TAF15: variants seen among roughly 807,000 people sequenced by gnomAD.
TAF15 encodes the protein TATA-box binding protein associated factor 15.
In TAF15, 37 loss-of-function variants were observed where a neutral mutation model predicts 102.5. The ratio of observed to expected loss-of-function variants is 0.36; its 90% CI spans 0.28 to 0.47. The LOEUF (loss-of-function observed/expected upper bound fraction) is 0.47. Among genes scored for constraint, TAF15 ranks in the 20% least tolerant of loss-of-function variants. TAF15 has a pLI of 0.99. For missense variants in TAF15, 652 were observed against 760.7 expected (o/e 0.86, Z 1.68); for synonymous variants, 273 against 259.2 (o/e 1.05, Z -0.51).
In TAF15 at chr17:35,845,937, C is replaced by T. The variant is rs2087618770; in HGVS notation, c.1739+899C>T. ...AATCTAAGTGAAGGAACATACCTTT[C>T]ATAGGGTGGTTCTTTTTCAGATCAT... On this transcript the variant is annotated intron_variant, in intron 15 of 15. Transcript: ENST00000605844. Among the ~76,000 whole-genome samples the T allele has an allele frequency of 2.0e-5, 3 of 152,272 alleles. No homozygotes were observed. The South Asian group carries it at 6.2e-4, about 32-fold the overall frequency.
intron 13 of TAF15, 59 bp downstream of exon 13, chr17:35,844,217 C>T: frequency 6.2e-7 from 1 of 1,611,148 alleles, no homozygotes; most frequent in Non-Finnish European, 8.5e-7. Flanking sequence ...GTGGAGGATA[C>T]AGAAAGGGGT....
chr17:35,837,484 A>C (rs1173112741), intron 10 of TAF15, among the ~76,000 whole-genome samples: 3 of 151,958 alleles, frequency 2.0e-5, no homozygotes, highest in Non-Finnish European at 2.9e-5. Context: ...GAAAAAGTAA[A>C]ATTCTCCCTT....
intron 7 of TAF15, among the ~76,000 whole-genome samples, chr17:35,832,704 T>C (rs1303453697): frequency 6.6e-6 from 1 of 152,120 alleles, no homozygotes; most frequent in African/African-American, 2.4e-5. Flanking sequence ...TTTATTGCCA[T>C]GTTAGCATAT....
chr17:35,844,492 G>C lies in TAF15; in HGVS notation c.1193G>C (p.Gly398Ala). The C allele has an allele frequency of 6.2e-7, 1 of 1,613,558 alleles. No homozygotes were observed. Among genetic ancestry groups the C allele is most frequent in the Non-Finnish European group, 8.5e-7 (1 of 1,179,678 alleles). The change falls in exon 15 of 16, where the codon GGC becomes GCC. Residue 398 changes from glycine to alanine, a missense_variant. Physicochemically the swap from Gly to Ala is moderately conservative, Grantham distance 60. This residue lies in a region of TAF15 where 368 missense variants were observed against 367.5 expected (regional missense o/e 1.00). Coordinates refer to ENST00000605844, the MANE Select transcript of TAF15 (RefSeq NM_139215.3). ...TACCTTGCAGATTTCCGGGGGAGAG[G>C]CTACGGTGGAGAGAGGGGCTACAGA... is the stretch of plus-strand genomic sequence containing the variant. ...RPSGGDFRGR[G>A]YGGERGYRGR...
At chr17:35,826,071 C>T (rs936522241) in intron 7 of TAF15, among the ~76,000 whole-genome samples, 4 of 152,162 alleles carry the variant, frequency 2.6e-5, no homozygotes. Flanking sequence ...CCTTAATCAA[C>T]CCTGGGGTCC....
chr17:35,816,577 G>A (rs2087197369), intron 1 of TAF15: 1 of 152,162 alleles, frequency 6.6e-6, no homozygotes, highest in African/African-American at 2.4e-5. Context: ...GTGAGGTTGG[G>A]CCTGATGGTC....
At chr17:35,835,372 C>T (rs1055843929) in intron 9 of TAF15, among the ~76,000 whole-genome samples, 1 of 152,154 alleles carries the variant, frequency 6.6e-6, no homozygotes, top group Non-Finnish European at 1.5e-5. Context: ...GGGTAGAGGT[C>T]ACTAATTTTC....
At chr17:35,836,372 T>C (rs578251507) in intron 10 of TAF15, 131 bp downstream of exon 10, 2 of 676,008 alleles carry the variant, frequency 3.0e-6, no homozygotes, top group East Asian at 5.4e-5. Context: ...TGCTCGTTTA[T>C]GTCTGTAGAC....
chr17:35,845,498 C>A (rs1164013030), intron 15 of TAF15, among the ~76,000 whole-genome samples: 2 of 152,162 alleles, frequency 1.3e-5, no homozygotes, highest in African/African-American at 4.8e-5. Flanking sequence ...TCAAGCATTC[C>A]TCCTGTCTTG....
In TAF15 at chr17:35,842,524, G is replaced by T. The variant is rs935484865; in HGVS notation, c.1006+65G>T. On this transcript the variant is annotated intron_variant, in intron 12 of 15. Coordinates refer to ENST00000605844, the MANE Select transcript of TAF15 (RefSeq NM_139215.3). The stretch of plus-strand genomic sequence containing the variant: ...GGGTTTAAGTTTGAGTTCATACTCT[G>T]TTTCTATTTGTGTGAACTTGCTACT... The T allele has an allele frequency of 3.9e-6, 5 of 1,287,456 alleles. No individual in the cohort carries two copies. In the African/African-American group the frequency reaches 7.3e-5, roughly 19 times the overall value. The allele number at this position is 1,287,456 out of a possible 1,614,324, so 79.8% of individuals were successfully genotyped here.
At position 35,826,077 on chromosome 17, in the gene TAF15, G is replaced by T. The variant is rs560679265; in HGVS notation, c.605+1879G>T. 2.0e-5 allele frequency among the ~76,000 whole-genome samples: 3 copies of T among 152,176 alleles called. No homozygotes were observed. The South Asian group carries it at 6.2e-4, about 32-fold the overall frequency. On this transcript the variant is annotated intron_variant, in intron 7 of 15. Transcript: ENST00000605844. ...GAAGCAGTACCTTAATCAACCCTGG[G>T]GTCCAATTAAGTACTTTTATAAACC...
intron 7 of TAF15, among the ~76,000 whole-genome samples, chr17:35,829,631 CAAAAAAA>C (rs746776421): frequency 7.2e-3 from 238 of 33,086 alleles, no homozygotes; most frequent in South Asian, 0.015. Context: ...GACTCCATCT[CAAAAAAA>C]AAAAAAAAAA....
intron 1 of TAF15, among the ~76,000 whole-genome samples, chr17:35,811,788 A>G (rs898800274): frequency 6.6e-6 from 1 of 152,284 alleles, no homozygotes; most frequent in African/African-American, 2.4e-5. Flanking sequence ...TAACACCTTA[A>G]CGAATTCAAA....
intron 6 of TAF15, chr17:35,823,851 A>G: frequency 1.6e-6 from 1 of 609,286 alleles, no homozygotes; most frequent in South Asian, 1.9e-5. Context: ...TTTGACACAG[A>G]TACATTACTG....
At chr17:35,834,019 G>T in intron 8 of TAF15, 78 bp downstream of exon 8, 1 of 1,502,032 alleles carries the variant, frequency 6.7e-7, no homozygotes, top group Non-Finnish European at 9.2e-7. Flanking sequence ...CGCAGATGTA[G>T]TCAAAAGTCC....
At chr17:35,833,983 T>C in intron 8 of TAF15, 42 bp downstream of exon 8, 9 of 1,609,308 alleles carry the variant, frequency 5.6e-6, no homozygotes, top group Non-Finnish European at 6.8e-6. Flanking sequence ...GGAAATGCTA[T>C]ATAAATCTAA....
intron 7 of TAF15, among the ~76,000 whole-genome samples, chr17:35,832,823 G>C (rs752577326): frequency 1.3e-5 from 2 of 152,126 alleles, no homozygotes; most frequent in Non-Finnish European, 2.9e-5. Flanking sequence ...GTAAAGCCAT[G>C]TTCACAAGGA....
chr17:35,809,741 A>G, intron 1 of TAF15, 165 bp downstream of exon 1: 2 of 918,060 alleles, frequency 2.2e-6, no homozygotes, highest in Non-Finnish European at 3.4e-6. Flanking sequence ...GGAGGCACGC[A>G]CGCTCCCAAT....
chr17:35,809,546 G>T lies in TAF15; in HGVS notation c.-24G>T. On this transcript the variant is annotated 5_prime_UTR_variant, in exon 1 of 16. Coordinates refer to ENST00000605844, the MANE Select transcript of TAF15 (RefSeq NM_139215.3). ...TTCGTTGTTCTCGGCGGGCTGTGGGGCCTCCGCGCCGCGGCCGTTAGTCAT... is the reference window on the plus strand; with the variant it reads ...TTCGTTGTTCTCGGCGGGCTGTGGGTCCTCCGCGCCGCGGCCGTTAGTCAT... 6.2e-7 allele frequency: 1 copy of T among 1,613,068 alleles called. No homozygotes were observed. Among genetic ancestry groups the T allele is most frequent in the Non-Finnish European group, 8.5e-7 (1 of 1,179,790 alleles).
Sources: gnomAD v4.1 joint callset for allele counts (sites outside exome capture counted in the v4.1 genomes callset) on GRCh38, gnomAD v4.1.1 for gene constraint, gnomAD v4.1.1 regional missense constraint, MANE v1.5 for transcripts, NCBI Gene and HGNC (gene_info 2026-07-23, HGNC 2026-07-21) for gene names.